Variants in BAIAP2L1 observed in about 807,000 individuals in gnomAD.
The protein encoded by BAIAP2L1 is BAR/IMD domain-containing adapter protein 2-like 1.
A neutral mutation model predicts 66.3 loss-of-function variants in BAIAP2L1; 35 were observed. The ratio of observed to expected loss-of-function variants is 0.53; its 90% CI spans 0.40 to 0.70. The LOEUF is 0.70. BAIAP2L1 is among the 30% of genes least tolerant of loss of function. The pLI is 0.00. For synonymous variants in BAIAP2L1, 269 were observed against 248.7 expected (o/e 1.08, Z -0.77); for missense variants, 622 against 656.9 (o/e 0.95, Z 0.58).
intron 10 of BAIAP2L1, 52 bp from the exon 11 acceptor site, chr7:98,306,568 C>G (rs1038359368): frequency 1.2e-6 from 2 of 1,613,152 alleles, no homozygotes; most frequent in Non-Finnish European, 1.7e-6. Context: ...ATGTGGACGG[C>G]AACCTCCCTG....
intron 6 of BAIAP2L1, among the ~76,000 whole-genome samples, chr7:98,316,131 T>C (rs903667554): frequency 6.6e-6 from 1 of 152,168 alleles, no homozygotes; most frequent in Non-Finnish European, 1.5e-5. Flanking sequence ...CAAGATCTGA[T>C]GGCTTCATAA....
chr7:98,394,115 C>T (rs1584510310), intron 1 of BAIAP2L1, among the ~76,000 whole-genome samples: 2 of 151,992 alleles, frequency 1.3e-5, no homozygotes, highest in East Asian at 1.9e-4. Flanking sequence ...TGGTGGCAGG[C>T]GCCTGTAGTC....
chr7:98,353,548 T>G (rs867929469), intron 3 of BAIAP2L1, among the ~76,000 whole-genome samples: 2 of 135,990 alleles, frequency 1.5e-5, no homozygotes, highest in African/African-American at 5.5e-5. Flanking sequence ...TATATTTATA[T>G]TATAAATATA....
Position 98,320,054 on chromosome 7 carries a change from T to G in BAIAP2L1, c.348+4A>C, listed in dbSNP as rs768700380. ...CTGGGGCTGGAGGAAAACCATGCAC[T>G]TACGTTCATATATTTCACGTCAAGT... On this transcript the variant is annotated splice_donor_region_variant and intron_variant, in intron 5 of 13. Transcript: ENST00000005260. 6.2e-7 allele frequency: 1 copy of G among 1,611,968 alleles called. No homozygotes were observed. The highest frequency in any genetic ancestry group is 8.5e-7 in the Non-Finnish European group (1 of 1,178,790).
At chr7:98,363,279 C>T (rs368070097) in intron 1 of BAIAP2L1, among the ~76,000 whole-genome samples, 44 of 152,036 alleles carry the variant, frequency 2.9e-4, no homozygotes, top group African/African-American at 7.0e-4. Flanking sequence ...AGGTTATCCG[C>T]GTACCTTGGC....
chr7:98,343,559 C>T (rs538752292), intron 3 of BAIAP2L1, among the ~76,000 whole-genome samples: 3 of 152,184 alleles, frequency 2.0e-5, no homozygotes, highest in Admixed American at 1.3e-4. Context: ...CTCTGCCCAA[C>T]AAGACGAAGA....
chr7:98,391,296 T>G (rs951488611), intron 1 of BAIAP2L1, among the ~76,000 whole-genome samples: 9 of 152,176 alleles, frequency 5.9e-5, no homozygotes, highest in African/African-American at 2.2e-4. Flanking sequence ...TCTGGTAATA[T>G]TTTTTCTTCT....
intron 12 of BAIAP2L1, among the ~76,000 whole-genome samples, chr7:98,294,433 C>T (rs1006494984): frequency 2.0e-5 from 3 of 152,218 alleles, no homozygotes; most frequent in African/African-American, 7.2e-5. Context: ...CTCTGAAAGG[C>T]GGTAGCGGCC....
chr7:98,356,416 A>C (rs1224278063), intron 2 of BAIAP2L1, among the ~76,000 whole-genome samples: 1 of 152,282 alleles, frequency 6.6e-6, no homozygotes, highest in East Asian at 1.9e-4. Flanking sequence ...GAGCTAAAAG[A>C]GCCCTCGGGA....
intron 1 of BAIAP2L1, among the ~76,000 whole-genome samples, chr7:98,383,158 G>A (rs1266894829): frequency 6.6e-6 from 1 of 150,956 alleles, no homozygotes; most frequent in Non-Finnish European, 1.5e-5. Flanking sequence ...CCAAGACTCT[G>A]TCTCAAAGTA....
chr7:98,327,855 G>A (rs1801408433), intron 3 of BAIAP2L1, among the ~76,000 whole-genome samples: 1 of 152,148 alleles, frequency 6.6e-6, no homozygotes, highest in African/African-American at 2.4e-5. Flanking sequence ...TGTGGTTGAG[G>A]GAGGTAAGGG....
At chr7:98,315,276 C>T (rs1801030648) in intron 7 of BAIAP2L1, among the ~76,000 whole-genome samples, 184 bp downstream of exon 7, 1 of 152,116 alleles carries the variant, frequency 6.6e-6, no homozygotes, top group Admixed American at 6.5e-5. Flanking sequence ...CACATGCTAC[C>T]ATGCCTGGCT....
Position 98,381,659 on chromosome 7 carries a change from C to T in BAIAP2L1, c.51+19143G>A, listed in dbSNP as rs567076607. Among the ~76,000 whole-genome samples the T allele has an allele frequency of 6.5e-4, 99 of 152,308 alleles. 3 individuals carry two copies. In the South Asian group the frequency reaches 0.012, roughly 19 times the overall value. On this transcript the variant is annotated intron_variant, in intron 1 of 13. Coordinates refer to ENST00000005260, the MANE Select transcript of BAIAP2L1 (RefSeq NM_018842.5). ...CTGCTTCTTCTGATATATTACTAGACGCAATCACGTTGCTGTGACCTTTCA... is the reference window on the plus strand; with the variant it reads ...CTGCTTCTTCTGATATATTACTAGATGCAATCACGTTGCTGTGACCTTTCA...
chr7:98,385,002 T>C (rs1802854117), intron 1 of BAIAP2L1, among the ~76,000 whole-genome samples: 1 of 152,058 alleles, frequency 6.6e-6, no homozygotes, highest in Non-Finnish European at 1.5e-5. Context: ...ATCAACCTCA[T>C]TCTATTGTCT....
rs375107527 is a variant in BAIAP2L1, at chr7:98,393,175, A to ATACACACACATGTG, written c.51+7626_51+7627insCACATGTGTGTGTA. ...TATATGTACACATATATGTATATAT[A>ATACACACACATGTG]TACATATATGTGTGTGTTTATATAT... On this transcript the variant is annotated intron_variant, in intron 1 of 13. Transcript: ENST00000005260. Among the ~76,000 whole-genome samples the ATACACACACATGTG allele has an allele frequency of 8.7e-3, 1,196 of 138,122 alleles. 48 individuals are homozygous for ATACACACACATGTG. Among genetic ancestry groups the ATACACACACATGTG allele is most frequent in the African/African-American group, 0.03 (1,100 of 37,178 alleles). The allele number at this position is 138,122 out of a possible 152,430, so 90.6% of individuals were successfully genotyped here. A position where few individuals can be genotyped will look rare whatever the true frequency, so the allele number is the denominator to read the frequency against.
In BAIAP2L1 at chr7:98,385,657, G is replaced by A. The variant is rs1802869378; in HGVS notation, c.51+15145C>T. 5 of 694,742 alleles carry A rather than the reference G, an allele frequency of 7.2e-6. No individual in the cohort carries two copies. In the South Asian group the frequency reaches 8.9e-5, roughly 12 times the overall value. The allele number at this position is 694,742 out of a possible 1,614,324, so 43.0% of individuals were successfully genotyped here. ...TCGAACTCCTGACCTCAAGCAAGCT[G>A]CCTGCTTCAGCCTCCCAAAGTGCTG... On this transcript the variant is annotated intron_variant, in intron 1 of 13. Coordinates refer to ENST00000005260, the MANE Select transcript of BAIAP2L1 (RefSeq NM_018842.5).
chr7:98,388,174 A>T (rs1402424455), intron 1 of BAIAP2L1, among the ~76,000 whole-genome samples: 1 of 152,216 alleles, frequency 6.6e-6, no homozygotes, highest in Non-Finnish European at 1.5e-5. Context: ...GCTTTCATGT[A>T]TGACTGCGTT....
chr7:98,293,645 A>G, intron 13 of BAIAP2L1, 49 bp from the exon 14 acceptor site: 2 of 1,571,224 alleles, frequency 1.3e-6, no homozygotes, highest in Non-Finnish European at 1.8e-6. Flanking sequence ...TACGAGGGAA[A>G]CTGGATTTTA....
At chr7:98,340,479 G>A (rs1010734522) in intron 3 of BAIAP2L1, among the ~76,000 whole-genome samples, 1 of 151,864 alleles carries the variant, frequency 6.6e-6, no homozygotes, top group African/African-American at 2.4e-5. Context: ...AGTAGAGACG[G>A]GGTTTCACTG....
Sources: allele counts gnomAD v4.1 joint callset (sites outside exome capture counted in the v4.1 genomes callset), GRCh38; gene constraint gnomAD v4.1.1; transcripts MANE v1.5; gene names NCBI Gene and HGNC (gene_info 2026-07-23, HGNC 2026-07-21).